Variants in GSG1L observed in about 807,000 individuals in gnomAD.
GSG1L encodes GSG1 like.
Under a neutral mutation model 42.1 loss-of-function variants are expected in GSG1L, and 24 were observed. That is an observed-to-expected ratio of 0.57 (90% confidence interval 0.41 to 0.80). The LOEUF (loss-of-function observed/expected upper bound fraction) is 0.80, where lower values mean the gene tolerates loss of function less well. Ranked by LOEUF, GSG1L falls within the 30% of genes least tolerant of loss-of-function variation. The pLI, the probability that GSG1L is intolerant of heterozygous loss-of-function variation, is 0.00. For synonymous variants in GSG1L, 215 were observed against 203.5 expected (o/e 1.06, Z -0.48); for missense variants, 445 against 472.2 (o/e 0.94, Z 0.53).
At chr16:27,973,692 C>A (rs1019983827) in intron 1 of GSG1L, among the ~76,000 whole-genome samples, 3 of 152,074 alleles carry the variant, frequency 2.0e-5, no homozygotes, top group Admixed American at 2.0e-4. Flanking sequence ...ACTCACTGCA[C>A]GTGTAACATC....
At chr16:27,931,910 A>G (rs2084661071) in intron 2 of GSG1L, among the ~76,000 whole-genome samples, 1 of 152,214 alleles carries the variant, frequency 6.6e-6, no homozygotes, top group Non-Finnish European at 1.5e-5. Context: ...GAGTGCATGA[A>G]AACTGAAGAA....
At chr16:27,824,043 T>G (rs1419677970) in intron 5 of GSG1L, 2 of 656,532 alleles carry the variant, frequency 3.0e-6, no homozygotes, top group Non-Finnish European at 5.6e-6. Flanking sequence ...TTATCAGCCA[T>G]GCTTCGAAAT....
At chr16:27,949,143 C>T (rs139778522) in intron 2 of GSG1L, among the ~76,000 whole-genome samples, 45 of 151,618 alleles carry the variant, frequency 3.0e-4, no homozygotes, top group African/African-American at 1.0e-3. Flanking sequence ...TCTCTAACTC[C>T]GGGGCTCAAG....
chr16:27,866,830 C>T (rs541814272), intron 3 of GSG1L, among the ~76,000 whole-genome samples: 122 of 152,270 alleles, frequency 8.0e-4, no homozygotes, highest in African/African-American at 1.7e-3. Context: ...CCTCAGCCTC[C>T]CAAAGTGCTG....
At chr16:27,888,849 C>T (rs1404399266) in intron 2 of GSG1L, among the ~76,000 whole-genome samples, 1 of 151,718 alleles carries the variant, frequency 6.6e-6, no homozygotes, top group African/African-American at 2.4e-5. Context: ...AACTCCTGAC[C>T]TCAAATGATC....
intron 2 of GSG1L, among the ~76,000 whole-genome samples, chr16:27,900,352 G>T (rs2084242631): frequency 1.3e-5 from 2 of 152,222 alleles, no homozygotes; most frequent in African/African-American, 4.8e-5. Flanking sequence ...TCATGGAGGT[G>T]AGGAAGCTGA....
intron 3 of GSG1L, among the ~76,000 whole-genome samples, chr16:27,865,544 T>C (rs1284188276): frequency 2.2e-4 from 4 of 17,842 alleles, no homozygotes; most frequent in African/African-American, 1.5e-3. Flanking sequence ...TATATATATA[T>C]ATATATATAT....
chr16:28,047,084 C>A (rs933273858), intron 1 of GSG1L, among the ~76,000 whole-genome samples: 1 of 152,108 alleles, frequency 6.6e-6, no homozygotes, highest in Non-Finnish European at 1.5e-5. Flanking sequence ...TCATATCTTG[C>A]GTTCAAAGCC....
At chr16:27,892,043 T>C (rs1243531856) in intron 2 of GSG1L, among the ~76,000 whole-genome samples, 1 of 151,962 alleles carries the variant, frequency 6.6e-6, no homozygotes, top group Non-Finnish European at 1.5e-5. Flanking sequence ...AGCCCAGACC[T>C]GTGGAATCAG....
intron 3 of GSG1L, among the ~76,000 whole-genome samples, chr16:27,849,292 C>T (rs2083480997): frequency 6.6e-6 from 1 of 151,676 alleles, no homozygotes; most frequent in Non-Finnish European, 1.5e-5. Context: ...CCATGCAGGG[C>T]CCTGGAGCCC....
chr16:27,966,701 G>A (rs1378520852), intron 1 of GSG1L, among the ~76,000 whole-genome samples: 1 of 152,120 alleles, frequency 6.6e-6, no homozygotes, highest in African/African-American at 2.4e-5. Context: ...AGCAAATCAT[G>A]GCCCAACTTC....
At chr16:27,993,714 G>A (rs1487345142) in intron 1 of GSG1L, among the ~76,000 whole-genome samples, 4 of 152,198 alleles carry the variant, frequency 2.6e-5, no homozygotes, top group African/African-American at 9.6e-5. Context: ...AGAACAGCTT[G>A]CAGGCACAGA....
chr16:27,901,658 T>C (rs1226186107), intron 2 of GSG1L, among the ~76,000 whole-genome samples: 2 of 152,216 alleles, frequency 1.3e-5, no homozygotes, highest in Non-Finnish European at 2.9e-5. Flanking sequence ...GTGCCCCAGG[T>C]CGTTCAGATG....
At chr16:27,858,480 A>G (rs561568648) in intron 3 of GSG1L, among the ~76,000 whole-genome samples, 2 of 152,342 alleles carry the variant, frequency 1.3e-5, no homozygotes, top group African/African-American at 2.4e-5. Flanking sequence ...GTGTTTTACC[A>G]TTCCATCACA....
rs183681665 is a variant in GSG1L, at chr16:28,043,352, A to G, written c.349+19724T>C. 2.0e-5 allele frequency among the ~76,000 whole-genome samples: 3 copies of G among 152,356 alleles called. No homozygotes were observed. In the East Asian group the frequency reaches 5.8e-4, roughly 29 times the overall value. On this transcript the variant is annotated intron_variant, in intron 1 of 6. Coordinates refer to ENST00000447459, the MANE Select transcript of GSG1L (RefSeq NM_001109763.2). ...TTTGATCACGAGCATAGAAAACTAT[A>G]AAGGATTTGAGGCTCGGAGTCCTCT...
chr16:27,996,337 C>T (rs1158021212), intron 1 of GSG1L, among the ~76,000 whole-genome samples: 16 of 152,154 alleles, frequency 1.1e-4, no homozygotes, highest in Admixed American at 1.0e-3. Context: ...CCCAACAATT[C>T]CATTTCTTGG....
chr16:27,852,238 AC>A (rs1445904811), intron 3 of GSG1L, among the ~76,000 whole-genome samples: 1 of 152,130 alleles, frequency 6.6e-6, no homozygotes, highest in Non-Finnish European at 1.5e-5. Context: ...GCTGGTGGGG[AC>A]CTGGAGGATG....
chr16:27,847,737 C>T (rs1664033711), intron 3 of GSG1L, among the ~76,000 whole-genome samples: 2 of 152,308 alleles, frequency 1.3e-5, no homozygotes, highest in East Asian at 3.9e-4. Context: ...TGAGTTCTCA[C>T]GAGAGAGCTG....
intron 2 of GSG1L, among the ~76,000 whole-genome samples, chr16:27,921,950 T>C (rs145114164): frequency 2.0e-4 from 30 of 152,090 alleles, no homozygotes; most frequent in African/African-American, 6.5e-4. Flanking sequence ...TTGCTTTTTC[T>C]TTTTCTTTTC....
Sources: allele counts gnomAD v4.1 joint callset (sites outside exome capture counted in the v4.1 genomes callset), GRCh38; gene constraint gnomAD v4.1.1; transcripts MANE v1.5; gene names NCBI Gene and HGNC (gene_info 2026-07-23, HGNC 2026-07-21).